The following CLYBL variants were observed in gnomAD, a reference collection of about 807,000 sequenced individuals.
The protein encoded by CLYBL is citramalyl-CoA lyase, mitochondrial.
In CLYBL, 31 loss-of-function variants were observed where a neutral mutation model predicts 38.9. That is an observed-to-expected ratio of 0.80 (90% CI 0.60 to 1.08). The LOEUF (loss-of-function observed/expected upper bound fraction) is 1.08, where lower values mean the gene tolerates loss of function less well. Among genes scored for constraint, CLYBL ranks in the 50% least tolerant of loss-of-function variants. The pLI is 0.00. For synonymous variants in CLYBL, 171 were observed against 158.6 expected, an observed-to-expected ratio of 1.08 and a Z score of -0.59; for missense variants, 434 against 411.6, an observed-to-expected ratio of 1.05 and a Z score of -0.47.
At chr13:99,889,636 T>C (rs922219366) in intron 7 of CLYBL, among the ~76,000 whole-genome samples, 1 of 152,202 alleles carries the variant, frequency 6.6e-6, no homozygotes, top group African/African-American at 2.4e-5. Flanking sequence ...TTTCTAAGGC[T>C]GAAAAGGTTG....
At chr13:99,886,567 C>T (rs944337339) in intron 7 of CLYBL, among the ~76,000 whole-genome samples, 1 of 152,246 alleles carries the variant, frequency 6.6e-6, no homozygotes, top group Non-Finnish European at 1.5e-5. Context: ...ATGTGCAAAG[C>T]AATTGACCAG....
At chr13:99,805,309 C>A (rs2050210736) in intron 2 of CLYBL, among the ~76,000 whole-genome samples, 1 of 152,036 alleles carries the variant, frequency 6.6e-6, no homozygotes, top group South Asian at 2.1e-4. Flanking sequence ...TCCGGTAGTT[C>A]TTTGTTTAAT....
intron 2 of CLYBL, among the ~76,000 whole-genome samples, chr13:99,797,560 T>TTGTGTGTGTGTGTG (rs3033584): frequency 0.031 from 4,385 of 141,730 alleles, 87 homozygotes; most frequent in Middle Eastern, 0.034. Flanking sequence ...TGTTAGCTGT[T>TTGTGTGTGTGTGTG]TGTGTGTGTG....
rs56847535 is a variant in CLYBL, at chr13:99,716,452, C to T, written c.63-56372C>T. ...AGACTGGAGTGCAATGGCGCAATCTCGGCTCACTGCAACCTCCGCCTCCCG... is the reference window on the plus strand; with the variant it reads ...AGACTGGAGTGCAATGGCGCAATCTTGGCTCACTGCAACCTCCGCCTCCCG... On this transcript the variant is annotated intron_variant, in intron 1 of 8. Transcript: ENST00000339105. Among the ~76,000 whole-genome samples, 189 of 146,906 alleles carry T rather than the reference C, an allele frequency of 1.3e-3. 5 individuals are homozygous for T. The East Asian group carries it at 0.035, about 27-fold the overall frequency.
chr13:99,613,684 G>A (rs1461191565), intron 1 of CLYBL, among the ~76,000 whole-genome samples: 3 of 141,272 alleles, frequency 2.1e-5, no homozygotes, highest in African/African-American at 7.3e-5. Flanking sequence ...AAGGAGGCAG[G>A]GTAAACATGA....
intron 1 of CLYBL, among the ~76,000 whole-genome samples, chr13:99,741,873 C>T (rs1488440565): frequency 6.6e-6 from 1 of 152,120 alleles, no homozygotes; most frequent in Non-Finnish European, 1.5e-5. Context: ...TGTTTAGTTT[C>T]CTTAGGGACA....
At chr13:99,875,021 G>A (rs1339096112) in intron 7 of CLYBL, among the ~76,000 whole-genome samples, 1 of 152,130 alleles carries the variant, frequency 6.6e-6, no homozygotes, top group Non-Finnish European at 1.5e-5. Flanking sequence ...CATTCTCTTT[G>A]ATTCATATCA....
At chr13:99,666,229 G>A (rs370446542) in intron 1 of CLYBL, among the ~76,000 whole-genome samples, 4 of 152,194 alleles carry the variant, frequency 2.6e-5, no homozygotes, top group Non-Finnish European at 5.9e-5. Context: ...TGGGGAGGGC[G>A]TGGTGCAGGG....
At chr13:99,746,677 G>A (rs1487386430) in intron 1 of CLYBL, among the ~76,000 whole-genome samples, 1 of 152,124 alleles carries the variant, frequency 6.6e-6, no homozygotes, top group African/African-American at 2.4e-5. Flanking sequence ...TCTCTACAGA[G>A]GCAAAGAGAA....
intron 2 of CLYBL, among the ~76,000 whole-genome samples, chr13:99,791,355 T>C (rs77208605): frequency 2.7e-5 from 1 of 37,346 alleles, no homozygotes; most frequent in African/African-American, 2.6e-4. Context: ...AAATAGTGTC[T>C]TTTTTAAAAA....
chr13:99,901,645 G>GTT (rs57853480), downstream of CLYBL, among the ~76,000 whole-genome samples: 607 of 126,996 alleles, frequency 4.8e-3, 3 homozygotes, highest in East Asian at 0.013. Context: ...GGATTTTTTT[G>GTT]TTTTTTTTTT....
intron 1 of CLYBL, among the ~76,000 whole-genome samples, chr13:99,632,846 T>C (rs1327815949): frequency 2.6e-5 from 4 of 152,066 alleles, no homozygotes; most frequent in Admixed American, 6.6e-5. Flanking sequence ...GATGTTACAA[T>C]TAATAGACAA....
At chr13:99,841,812 C>CTTTTTTT (rs67827288) in intron 2 of CLYBL, among the ~76,000 whole-genome samples, 2 of 105,396 alleles carry the variant, frequency 1.9e-5, no homozygotes, top group Admixed American at 1.0e-4. Context: ...TTTTCTTTTC[C>CTTTTTTT]TTTTTTTTTT....
chr13:99,721,110 A>G (rs2048386217), intron 1 of CLYBL, among the ~76,000 whole-genome samples: 2 of 149,036 alleles, frequency 1.3e-5, no homozygotes, highest in Non-Finnish European at 3.0e-5. Context: ...GTGATGTGAT[A>G]TCTGCCCACT....
chr13:99,608,154 C>G (rs1413603118), intron 1 of CLYBL, among the ~76,000 whole-genome samples: 2 of 150,576 alleles, frequency 1.3e-5, no homozygotes, highest in African/African-American at 2.5e-5. Flanking sequence ...TGACTGCAAC[C>G]TCCGCCTCCC....
chr13:99,785,646 G>T (rs1000453794), intron 2 of CLYBL, among the ~76,000 whole-genome samples: 1 of 151,396 alleles, frequency 6.6e-6, no homozygotes, highest in Non-Finnish European at 1.5e-5. Flanking sequence ...ACCCAGGCTG[G>T]AGTGCAGTGG....
intron 1 of CLYBL, among the ~76,000 whole-genome samples, chr13:99,765,560 CT>C (rs2049252399): frequency 6.6e-6 from 1 of 151,834 alleles, no homozygotes. Context: ...TAAATTTTGT[CT>C]TTTTTCTTTC....
At chr13:99,617,925 G>A (rs2046737332) in intron 1 of CLYBL, among the ~76,000 whole-genome samples, 1 of 152,082 alleles carries the variant, frequency 6.6e-6, no homozygotes, top group Admixed American at 6.6e-5. Context: ...TGACCACCCT[G>A]TACAACATAG....
intron 1 of CLYBL, among the ~76,000 whole-genome samples, chr13:99,687,754 A>G (rs953652418): frequency 6.6e-6 from 1 of 152,224 alleles, no homozygotes; most frequent in East Asian, 1.9e-4. Flanking sequence ...TCTTTAAGCA[A>G]TTGGATAAAA....
Sources: gnomAD v4.1 joint callset for allele counts (sites outside exome capture counted in the v4.1 genomes callset) on GRCh38, gnomAD v4.1.1 for gene constraint, MANE v1.5 for transcripts, NCBI Gene and HGNC (gene_info 2026-07-23, HGNC 2026-07-21) for gene names.